Variants in FOXP1 observed in about 807,000 individuals in gnomAD.
The protein encoded by FOXP1 is forkhead box protein P1.
Under a neutral mutation model 98.2 loss-of-function variants are expected in FOXP1, and 15 were observed. That is an observed-to-expected ratio of 0.15 (90% CI 0.10 to 0.24). The LOEUF is 0.24. Ranked by LOEUF, FOXP1 falls within the 10% of genes least tolerant of loss-of-function variation. The pLI, the probability that FOXP1 is intolerant of heterozygous loss-of-function variation, is 1.00. For synonymous variants in FOXP1, 371 were observed against 314.5 expected, an observed-to-expected ratio of 1.18 and a Z score of -1.90; for missense variants, 633 against 848.5, an observed-to-expected ratio of 0.75 and a Z score of 3.15.
At chr3:71,437,186 T>G (rs1457579114) in intron 3 of FOXP1, among the ~76,000 whole-genome samples, 1 of 152,154 alleles carries the variant, frequency 6.6e-6, no homozygotes, top group Non-Finnish European at 1.5e-5. Flanking sequence ...GCAGGCAGAT[T>G]GCTCGAGCCT....
At chr3:71,035,820 T>C (rs1028741964) in intron 11 of FOXP1, among the ~76,000 whole-genome samples, 1 of 151,662 alleles carries the variant, frequency 6.6e-6, no homozygotes, top group Non-Finnish European at 1.5e-5. Context: ...TAATGGGAGC[T>C]AGAGTTTACT....
intron 5 of FOXP1, among the ~76,000 whole-genome samples, chr3:71,250,066 G>C (rs2068060627): frequency 6.6e-6 from 1 of 152,220 alleles, no homozygotes; most frequent in South Asian, 2.1e-4. Flanking sequence ...CACCCCACCA[G>C]ACAGCAGGAT....
At chr3:71,485,653 C>T (rs2090592244) in intron 3 of FOXP1, among the ~76,000 whole-genome samples, 1 of 151,984 alleles carries the variant, frequency 6.6e-6, no homozygotes, top group African/African-American at 2.4e-5. Flanking sequence ...CCTTTAATCC[C>T]AGCTACTAGG....
chr3:71,551,552 G>C (rs554839018), intron 2 of FOXP1, among the ~76,000 whole-genome samples: 2 of 152,212 alleles, frequency 1.3e-5, no homozygotes, highest in East Asian at 3.9e-4. Flanking sequence ...AACGTTTCCT[G>C]GTTCCTCAAG....
chr3:71,158,172 G>GGAAA (rs1436051075), intron 6 of FOXP1, among the ~76,000 whole-genome samples: 2 of 139,952 alleles, frequency 1.4e-5, no homozygotes, highest in African/African-American at 5.3e-5. Flanking sequence ...AGGGAAGGAA[G>GGAAA]GAAGGAGGGA....
intron 2 of FOXP1, among the ~76,000 whole-genome samples, chr3:71,502,993 AAAC>A (rs2041516413): frequency 6.6e-6 from 1 of 151,686 alleles, no homozygotes; most frequent in African/African-American, 2.4e-5. Flanking sequence ...AAAAAAAAAA[AAAC>A]AAGTAGTAGC....
At chr3:71,346,665 C>T (rs1342045315) in intron 4 of FOXP1, among the ~76,000 whole-genome samples, 1 of 152,062 alleles carries the variant, frequency 6.6e-6, no homozygotes, top group East Asian at 1.9e-4. Context: ...TCAAGGGATG[C>T]TTGAAAACCC....
intron 20 of FOXP1, among the ~76,000 whole-genome samples, chr3:70,961,209 G>A (rs564656185): frequency 4.6e-5 from 7 of 151,828 alleles, no homozygotes; most frequent in Non-Finnish European, 8.8e-5. Flanking sequence ...TACATTTTAT[G>A]TATGGCTCTC....
chr3:70,958,081 G>C lies in FOXP1; in HGVS notation c.*1166C>G. ...CATGGCAACTTGGTTCCACAAGGGA[G>C]AGCCTTCCAAGGCCATATTGTCAGT... On this transcript the variant is annotated 3_prime_UTR_variant, in exon 21 of 21. Transcript: ENST00000649528. 1 of 295,298 alleles carries C rather than the reference G, an allele frequency of 3.4e-6. No homozygotes were observed. Among genetic ancestry groups the C allele is most frequent in the South Asian group, 5.8e-5 (1 of 17,112 alleles). 18.3% of individuals were successfully genotyped at this position (295,298 alleles called of 1,614,324 possible).
At chr3:71,371,870 C>T (rs942676292) in intron 3 of FOXP1, among the ~76,000 whole-genome samples, 2 of 152,158 alleles carry the variant, frequency 1.3e-5, no homozygotes, top group African/African-American at 4.8e-5. Context: ...CTCTAATAAC[C>T]ACATGGAGCC....
chr3:71,479,679 C>CAAAA (rs71120335), intron 3 of FOXP1, among the ~76,000 whole-genome samples: 1 of 56,558 alleles, frequency 1.8e-5, no homozygotes. Context: ...AACATCATCT[C>CAAAA]AAAAAAAAAA....
At chr3:70,979,108 G>A (rs999525363) in intron 14 of FOXP1, among the ~76,000 whole-genome samples, 14 of 150,434 alleles carry the variant, frequency 9.3e-5, no homozygotes, top group African/African-American at 2.4e-4. Flanking sequence ...CTCCATTAAC[G>A]CACACACATA....
intron 2 of FOXP1, among the ~76,000 whole-genome samples, chr3:71,540,992 C>T (rs1039967891): frequency 9.2e-5 from 14 of 152,276 alleles, no homozygotes; most frequent in Non-Finnish European, 1.9e-4. Context: ...AACCATGAAG[C>T]CTGAGATTCC....
chr3:71,514,326 C>T (rs1334738601), intron 2 of FOXP1, among the ~76,000 whole-genome samples: 1 of 152,154 alleles, frequency 6.6e-6, no homozygotes, highest in African/African-American at 2.4e-5. Flanking sequence ...AACTACTTGG[C>T]GTCACAATCA....
intron 5 of FOXP1, among the ~76,000 whole-genome samples, chr3:71,214,993 A>AAAGGC (rs1477730194): frequency 6.6e-6 from 1 of 152,236 alleles, no homozygotes; most frequent in Admixed American, 6.5e-5. Context: ...GGACAGCCGC[A>AAAGGC]AAGGCATCAC....
At chr3:71,369,368 C>A (rs2079135007) in intron 3 of FOXP1, among the ~76,000 whole-genome samples, 1 of 152,066 alleles carries the variant, frequency 6.6e-6, no homozygotes, top group South Asian at 2.1e-4. Context: ...CCAGCCTGGG[C>A]AACAGAACGA....
chr3:71,449,180 T>A (rs2086712116), intron 3 of FOXP1, among the ~76,000 whole-genome samples: 1 of 152,174 alleles, frequency 6.6e-6, no homozygotes. Context: ...TGTGTTTTAC[T>A]TGGGTCAAGG....
intron 5 of FOXP1, among the ~76,000 whole-genome samples, chr3:71,280,321 C>CTTTTTTTT (rs145186097): frequency 6.8e-6 from 1 of 147,812 alleles, no homozygotes; most frequent in Non-Finnish European, 1.5e-5. Flanking sequence ...TTTACAATAT[C>CTTTTTTTT]TTTTTTTTTT....
intron 3 of FOXP1, among the ~76,000 whole-genome samples, chr3:71,469,142 G>C (rs558385787): frequency 6.6e-6 from 1 of 152,158 alleles, no homozygotes; most frequent in Admixed American, 6.5e-5. Context: ...AATTTATTCT[G>C]CATGTGTGAT....
Sources: gnomAD v4.1 joint callset for allele counts (sites outside exome capture counted in the v4.1 genomes callset) on GRCh38, gnomAD v4.1.1 for gene constraint, MANE v1.5 for transcripts, NCBI Gene and HGNC (gene_info 2026-07-23, HGNC 2026-07-21) for gene names.